The following MUC6 variants were observed in gnomAD, a reference collection of about 807,000 sequenced individuals.
MUC6 encodes mucin 6, oligomeric mucus/gel-forming (gene/pseudogene).
A neutral mutation model predicts 201.5 loss-of-function variants in MUC6; 188 were observed. The observed-to-expected ratio is 0.93, with a 90% CI of 0.83 to 1.05. The LOEUF is 1.05. Among genes scored for constraint, MUC6 ranks in the 50% least tolerant of loss-of-function variants. The probability of loss-of-function intolerance (pLI) is 0.00; values close to 1 mark genes in which losing one functional copy is unlikely to be tolerated. For missense variants in MUC6, 2,706 were observed against 3,256.9 expected, an observed-to-expected ratio of 0.83 and a Z score of 4.12; for synonymous variants, 1,228 against 1,389.4, an observed-to-expected ratio of 0.88 and a Z score of 2.58.
At chr11:1,022,868 C>T (rs1380020472) in intron 26 of MUC6, among the ~76,000 whole-genome samples, 2 of 152,046 alleles carry the variant, frequency 1.3e-5, no homozygotes, top group Non-Finnish European at 2.9e-5. Flanking sequence ...AATGAATGTG[C>T]ATGGGTGAAT....
At position 1,026,478 on chromosome 11, in the gene MUC6, C is replaced by T; in HGVS notation, c.2395G>A (p.Val799Met). The change falls in exon 20 of 33, where the codon GTG (valine) becomes ATG (methionine). Residue 799 changes from valine to methionine, a missense_variant and splice_region_variant. This residue lies in a region of MUC6 where 1,850 missense variants were observed against 1,958.3 expected (regional missense o/e 0.94). Coordinates refer to ENST00000421673, the MANE Select transcript of MUC6 (RefSeq NM_005961.3). ...CAGCCAGGCTCACACTTGGTGGGCA[C>T]CTGGAGGGAGGCAGGTCAGCAGCTC... The part of the protein sequence containing the change: ...CQMLATGVAC[V>M]PTKCEPGCVC... 2 of 1,583,532 alleles carry T rather than the reference C, an allele frequency of 1.3e-6. No homozygotes were observed. Among genetic ancestry groups the T allele is most frequent in the Non-Finnish European group, 1.7e-6 (2 of 1,165,852 alleles).
chr11:1,025,019 C>T lies in MUC6; in HGVS notation c.3050G>A (p.Ser1017Asn). Reference protein sequence around the residue: ...GNMKDDFETRSRYVASSELEL... With the variant: ...GNMKDDFETRNRYVASSELEL... ...CAGCTCGCTGGATGCCACGTACCTGCTGCGCGTCTCGAAGTCGTCCTTCAT... is the reference window on the plus strand; with the variant it reads ...CAGCTCGCTGGATGCCACGTACCTGTTGCGCGTCTCGAAGTCGTCCTTCAT... The change falls in exon 24 of 33, where the codon AGC becomes AAC. Residue 1017 changes from serine (S) to asparagine (N), a missense_variant. Ser to Asn is a conservative substitution (Grantham distance 46). This residue lies in a region of MUC6 where 1,850 missense variants were observed against 1,958.3 expected (regional missense o/e 0.94). Coordinates refer to ENST00000421673, the MANE Select transcript of MUC6 (RefSeq NM_005961.3). The T allele has an allele frequency of 6.2e-7, 1 of 1,613,048 alleles. No homozygotes were observed. Among genetic ancestry groups the T allele is most frequent in the South Asian group, 1.1e-5 (1 of 91,076 alleles).
Position 1,016,606 on chromosome 11 carries a change from T to G in MUC6, c.6195A>C (p.Thr2065=). 7 of 363,884 alleles carry G rather than the reference T, an allele frequency of 1.9e-5. No homozygotes were observed. The highest frequency in any genetic ancestry group is 2.1e-5 in the Non-Finnish European group (5 of 234,292). The allele number at this position is 363,884 out of a possible 1,614,324, so 22.5% of individuals were successfully genotyped here. A position where few individuals can be genotyped will look rare whatever the true frequency, so the allele number is the denominator to read the frequency against. ...TTTGGCTGGTCCCACTGGTGGTCAC[T>G]GTCATTGGTGGGGCTGTGTGGGTGG... ...TGSTHTAPPM[T]VTTSGTSQTH... is the part of the protein sequence containing the mutation. Residue 2065 remains threonine (T), a synonymous_variant, in exon 31 of 33, where the codon ACA becomes ACC. Coordinates refer to ENST00000421673, the MANE Select transcript of MUC6 (RefSeq NM_005961.3).
In MUC6 at chr11:1,029,320, C is replaced by A; in HGVS notation, c.1183G>T (p.Gly395Ter). The A allele has an allele frequency of 6.2e-7, 1 of 1,604,530 alleles. No individual in the cohort carries two copies. The highest frequency in any genetic ancestry group is 8.5e-7 in the Non-Finnish European group (1 of 1,176,442). Residue 395 changes from glycine to a stop codon, truncating the protein, a stop_gained, in exon 10 of 33, where the codon GGA (glycine) becomes TGA (stop). Coordinates refer to ENST00000421673, the MANE Select transcript of MUC6 (RefSeq NM_005961.3). LOFTEE classifies it high-confidence loss of function. ...GAGCCACCTTCCAGGGAGCAGTGTC[C>A]GGGGCACGGCCGCTCCGTGCACACC... ...RWVCTERPCP[G>*]HCSLEGGSFV...
In MUC6 at chr11:1,028,402, C is replaced by T. The variant is rs1295751604; in HGVS notation, c.1592-15G>A. The T allele has an allele frequency of 6.2e-6, 10 of 1,609,286 alleles. No individual in the cohort carries two copies. Among genetic ancestry groups the T allele is most frequent in the African/African-American group, 1.3e-5 (1 of 74,920 alleles). ...GCCGCAGAGCCCTGAGCCGGCGGGG[C>T]GTGAGCTCGACTTGAACCCATCCCT... On this transcript the variant is annotated splice_polypyrimidine_tract_variant and intron_variant, in intron 13 of 32. Transcript: ENST00000421673.
At position 1,018,743 on chromosome 11, in the gene MUC6, C is replaced by G; in HGVS notation, c.4058G>C (p.Gly1353Ala). The change falls in exon 31 of 33, where the codon GGA (glycine) becomes GCA (alanine). Residue 1353 changes from glycine to alanine, a missense_variant. Physicochemically the swap from Gly to Ala is moderately conservative, Grantham distance 60 (BLOSUM62 0). Transcript: ENST00000421673. ...GCCTGTCGTCTGGGTGGCCGTTGTT[C>G]CTGGCAGTTCCTGATTGGTCGATTT... ...LPKSTNQELP[G>A]TTATQTTGPR... 1 of 1,571,344 alleles carries G rather than the reference C, an allele frequency of 6.4e-7. No homozygotes were observed. Among genetic ancestry groups the G allele is most frequent in the Non-Finnish European group, 8.6e-7 (1 of 1,163,020 alleles).
In MUC6 at chr11:1,025,929, G is replaced by T; in HGVS notation, c.2689-14C>A. On this transcript the variant is annotated splice_polypyrimidine_tract_variant and intron_variant, in intron 21 of 32. Transcript: ENST00000421673. ...ACCACAGACGTCCTGCAGGGAGAGG[G>T]CGCTGAGGAGGAGCCCTGGAGGCCG... 4 of 1,603,822 alleles carry T rather than the reference G, an allele frequency of 2.5e-6. No individual in the cohort carries two copies. The highest frequency in any genetic ancestry group is 3.4e-6 in the Non-Finnish European group (4 of 1,175,752).
At chr11:1,023,828 G>A in intron 25 of MUC6, 119 bp downstream of exon 25, 4 of 1,458,552 alleles carry the variant, frequency 2.7e-6, no homozygotes, top group Non-Finnish European at 3.7e-6. Flanking sequence ...GGCCCCGCAG[G>A]GCACAGCCCG....
chr11:1,027,084 C>G lies in MUC6; in HGVS notation c.2285-34G>C, dbSNP rs771591898. The G allele has an allele frequency of 3.9e-5, 63 of 1,608,476 alleles. No individual in the cohort carries two copies. The Admixed American group carries it at 5.6e-4, about 14-fold the overall frequency. On this transcript the variant is annotated intron_variant, in intron 18 of 32. Coordinates refer to ENST00000421673, the MANE Select transcript of MUC6 (RefSeq NM_005961.3). ...AAGAGGGGTGCGCGGTCAGGACACT[C>G]AGAGGAAGCCGGGGCCCCTCACAGT... is the stretch of plus-strand genomic sequence containing the variant.
At chr11:1,021,886 C>G (rs1337248241) in intron 26 of MUC6, among the ~76,000 whole-genome samples, 2 of 152,066 alleles carry the variant, frequency 1.3e-5, no homozygotes, top group Non-Finnish European at 2.9e-5. Flanking sequence ...GCTCCAGACA[C>G]CACCCTCCTC....
At position 1,026,000 on chromosome 11, in the gene MUC6, C is replaced by T. The variant is rs1371053348; in HGVS notation, c.2688G>A (p.Thr896=). The part of the protein sequence containing the change: ...FDGNCEYILA[T]DVCGVNDSQP... Reference sequence around the variant, plus strand: ...CTGCGGCCTGGCACCCGATGGTTACCGTGGCCAGGATGTACTCGCAGTTGC... The same window carrying T: ...CTGCGGCCTGGCACCCGATGGTTACTGTGGCCAGGATGTACTCGCAGTTGC... The change falls in exon 21 of 33, where the codon ACG becomes ACA. Residue 896 remains threonine, a splice_region_variant and synonymous_variant. Coordinates refer to ENST00000421673, the MANE Select transcript of MUC6 (RefSeq NM_005961.3). The T allele has an allele frequency of 1.1e-5, 17 of 1,587,026 alleles. No homozygotes were observed. Among genetic ancestry groups the T allele is most frequent in the Admixed American group, 1.8e-5 (1 of 55,562 alleles).
chr11:1,031,869 C>G lies in MUC6; in HGVS notation c.300G>C (p.Glu100Asp). 6.2e-7 allele frequency: 1 copy of G among 1,612,926 alleles called. No individual in the cohort carries two copies. Among genetic ancestry groups the G allele is most frequent in the Non-Finnish European group, 8.5e-7 (1 of 1,179,872 alleles). The change falls in exon 3 of 33, where the codon GAG (glutamate) becomes GAC (aspartate). Residue 100 changes from glutamate (E) to aspartate (D), a missense_variant. Coordinates refer to ENST00000421673, the MANE Select transcript of MUC6 (RefSeq NM_005961.3). ...TCACAGTGACGACGGAGGCCCCCAG[C>G]TCCACGATGATCCGCGAGATGCTCC... ...PDGSISRIIV[E>D]LGASVVTVSE...
chr11:1,025,026 TC>T lies in MUC6; in HGVS notation c.3042del (p.Thr1015ArgfsTer14), dbSNP rs752590297. The T allele has an allele frequency of 1.2e-6, 2 of 1,613,002 alleles. No individual in the cohort carries two copies. The highest frequency in any genetic ancestry group is 4.5e-5 in the East Asian group (2 of 44,876). On this transcript the variant is annotated frameshift_variant, in exon 24 of 33. Coordinates refer to ENST00000421673, the MANE Select transcript of MUC6 (RefSeq NM_005961.3). LOFTEE classifies it high-confidence loss of function. ...NFNGNMKDDFETRSRYVASSE... is the reference protein window; with the variant it reads ...NFNGNMKDDFXTRSRYVASSE... ...CTGGATGCCACGTACCTGCTGCGCG[TC>T]TCGAAGTCGTCCTTCATGTTCCCGT...
At chr11:1,032,309 G>A (rs537055899) in intron 2 of MUC6, among the ~76,000 whole-genome samples, 6 of 152,272 alleles carry the variant, frequency 3.9e-5, no homozygotes, top group South Asian at 4.2e-4. Flanking sequence ...GTGTGTGCAC[G>A]TATGTGCGTG....
intron 1 of MUC6, among the ~76,000 whole-genome samples, chr11:1,036,359 C>T (rs1210985190): frequency 6.6e-6 from 1 of 152,176 alleles, no homozygotes; most frequent in Non-Finnish European, 1.5e-5. Context: ...TGCCAGCTCA[C>T]AGGAGGGCGT....
intron 25 of MUC6, 74 bp from the exon 26 acceptor site, chr11:1,023,726 G>A: frequency 6.3e-6 from 10 of 1,577,108 alleles, no homozygotes; most frequent in Non-Finnish European, 6.9e-6. Context: ...GTTCCCCTGG[G>A]CATGCATGGA....
chr11:1,018,308 G>T lies in MUC6; in HGVS notation c.4493C>A (p.Thr1498Lys), dbSNP rs61745490. The change falls in exon 31 of 33, where the codon ACA becomes AAA. Residue 1498 changes from threonine to lysine, a missense_variant. Transcript: ENST00000421673. ...TTLKATGSTH[T>K]APPITPTTSG... is the part of the protein sequence containing the mutation. Reference sequence around the variant, plus strand: ...GGTGGTCGGCGTTATTGGTGGGGCTGTGTGGGTGGACCCTGTGGCCTTGAG... The same window carrying T: ...GGTGGTCGGCGTTATTGGTGGGGCTTTGTGGGTGGACCCTGTGGCCTTGAG... 2 of 1,613,896 alleles carry T rather than the reference G, an allele frequency of 1.2e-6. No individual in the cohort carries two copies. Among genetic ancestry groups the T allele is most frequent in the Admixed American group, 1.7e-5 (1 of 60,028 alleles).
In MUC6 at chr11:1,028,232, G is replaced by A; in HGVS notation, c.1747C>T (p.Leu583Phe). The change falls in exon 14 of 33, where the codon CTC becomes TTC. Residue 583 changes from leucine (L) to phenylalanine (F), a missense_variant. Leu to Phe is a conservative substitution (Grantham distance 22, BLOSUM62 0). This residue lies in a region of MUC6 where 1,850 missense variants were observed against 1,958.3 expected (regional missense o/e 0.94). Coordinates refer to ENST00000421673, the MANE Select transcript of MUC6 (RefSeq NM_005961.3). ...RETDPCSMSQ[L>F]NKVCAETHCS... ...TGGGGGGCCGGACACTCACTGTTGA[G>A]CTGGCTCATGGAGCAGGGGTCAGTC... 1 of 1,572,768 alleles carries A rather than the reference G, an allele frequency of 6.4e-7. No homozygotes were observed. Among genetic ancestry groups the A allele is most frequent in the Non-Finnish European group, 8.6e-7 (1 of 1,159,712 alleles).
chr11:1,016,065 T>C lies in MUC6; in HGVS notation c.6736A>G (p.Ile2246Val). ...TPSSHLASST[I>V]AFPSTPRTTA... is the part of the protein sequence containing the mutation. ...GTCCTGGGCGTGGACGGAAATGCAA[T>C]GGTGCTGGAGGCTAGGTGGCTGGAT... The change falls in exon 31 of 33, where the codon ATT becomes GTT. Residue 2246 changes from isoleucine (I) to valine (V), a missense_variant. Around this residue, in one of 10 missense-constraint regions of MUC6, gnomAD observed 586 missense variants for 488.0 expected, o/e 1.20. Transcript: ENST00000421673. 1 of 1,611,976 alleles carries C rather than the reference T, an allele frequency of 6.2e-7. No homozygotes were observed. Among genetic ancestry groups the C allele is most frequent in the Non-Finnish European group, 8.5e-7 (1 of 1,178,720 alleles).
Sources: gnomAD v4.1 joint callset for allele counts (sites outside exome capture counted in the v4.1 genomes callset) on GRCh38, gnomAD v4.1.1 for gene constraint, gnomAD v4.1.1 regional missense constraint, MANE v1.5 for transcripts, NCBI Gene and HGNC (gene_info 2026-07-23, HGNC 2026-07-21) for gene names.